Variants in DDX10 observed in about 807,000 individuals in gnomAD.
DDX10 encodes the protein probable ATP-dependent RNA helicase DDX10.
DDX10 carries 74 observed loss-of-function variants against 104.3 expected under a neutral mutation model. That is an observed-to-expected ratio of 0.71 (90% CI 0.59 to 0.86). DDX10 has a LOEUF of 0.86. Ranked by LOEUF, DDX10 falls within the 40% of genes least tolerant of loss-of-function variation. The probability of loss-of-function intolerance (pLI) is 0.00; values close to 1 mark genes in which losing one functional copy is unlikely to be tolerated. For synonymous variants in DDX10, 351 were observed against 353.4 expected, an observed-to-expected ratio of 0.99 and a Z score of 0.08; for missense variants, 952 against 1,040.0, an observed-to-expected ratio of 0.92 and a Z score of 1.16.
At chr11:108,836,885 T>G (rs559963752) in intron 13 of DDX10, among the ~76,000 whole-genome samples, 9 of 152,246 alleles carry the variant, frequency 5.9e-5, no homozygotes, top group Non-Finnish European at 1.3e-4. Context: ...TACCATAATG[T>G]AACAGTTGTG....
At chr11:108,785,336 C>T (rs1280540421) in intron 13 of DDX10, among the ~76,000 whole-genome samples, 3 of 151,988 alleles carry the variant, frequency 2.0e-5, no homozygotes, top group Non-Finnish European at 2.9e-5. Flanking sequence ...GCTGGTATTT[C>T]GTTGAGGATT....
rs1555021558 is a variant in DDX10 at position 108,750,964 on chromosome 11, T to TA, written c.1965+27503dup. On this transcript the variant is annotated intron_variant, in intron 13 of 17. Transcript: ENST00000322536. ...TTTTTTTTTTTTTTTTTTTTTTTTTTAGAGATGGGCTTTCACTATGTTGCC... is the reference window on the plus strand; with the variant it reads ...TTTTTTTTTTTTTTTTTTTTTTTTTTAAGAGATGGGCTTTCACTATGTTGCC... 3.2e-4 allele frequency among the ~76,000 whole-genome samples: 32 copies of TA among 100,988 alleles called. 2 individuals are homozygous for TA. Among genetic ancestry groups the TA allele is most frequent in the African/African-American group, 1.1e-3 (29 of 26,176 alleles). The allele number at this position is 100,988 out of a possible 152,430, so 66.3% of individuals were successfully genotyped here.
chr11:108,709,050 A>C (rs558832134), intron 10 of DDX10, among the ~76,000 whole-genome samples: 24 of 152,226 alleles, frequency 1.6e-4, no homozygotes, highest in Middle Eastern at 3.4e-3. Flanking sequence ...AGCCAGTTTT[A>C]TTTCTTTCCC....
intron 10 of DDX10, among the ~76,000 whole-genome samples, chr11:108,709,791 GTTC>G (rs1370588814): frequency 6.6e-6 from 1 of 151,280 alleles, no homozygotes; most frequent in African/African-American, 2.4e-5. Context: ...TTCTACTCTA[GTTC>G]TTATTTATTC....
intron 16 of DDX10, among the ~76,000 whole-genome samples, chr11:108,888,011 A>G (rs1243696093): frequency 6.6e-6 from 1 of 151,888 alleles, no homozygotes; most frequent in African/African-American, 2.4e-5. Context: ...AGTGTTTTCA[A>G]TCAGAGGAAA....
At chr11:108,869,205 T>G (rs531441820) in intron 16 of DDX10, among the ~76,000 whole-genome samples, 23 of 151,612 alleles carry the variant, frequency 1.5e-4, no homozygotes, top group African/African-American at 4.4e-4. Context: ...TTGTTTTTTT[T>G]TTTGTTTGTT....
chr11:108,746,755 T>G (rs1184699839), intron 13 of DDX10, among the ~76,000 whole-genome samples: 1 of 152,136 alleles, frequency 6.6e-6, no homozygotes. Flanking sequence ...TCTCACTAGA[T>G]AGGAAATAGT....
rs141819784 is a variant in DDX10, at chr11:108,891,065, C to T, written c.2305-26808C>T. ...GTTTTTAAATTTTGTCTCAAATCCA[C>T]GTCCTGCCTCTTATGAAGCCCTTGT... On this transcript the variant is annotated intron_variant, in intron 16 of 17. Transcript: ENST00000322536. Among the ~76,000 whole-genome samples, 205 of 152,254 alleles carry T rather than the reference C, an allele frequency of 1.3e-3. 1 individual carries two copies. Among genetic ancestry groups the T allele is most frequent in the Non-Finnish European group, 2.0e-3 (138 of 68,020 alleles).
intron 13 of DDX10, among the ~76,000 whole-genome samples, chr11:108,816,095 A>C (rs1031886064): frequency 2.0e-5 from 3 of 151,426 alleles, no homozygotes; most frequent in Admixed American, 6.6e-5. Context: ...TTGGCATGCC[A>C]TACTATTCCT....
intron 13 of DDX10, among the ~76,000 whole-genome samples, chr11:108,780,476 A>G (rs774969753): frequency 2.0e-5 from 3 of 152,116 alleles, no homozygotes; most frequent in Non-Finnish European, 4.4e-5. Context: ...TTTAGGCCAG[A>G]AAACATCTTT....
At chr11:108,729,391 T>C (rs1179453356) in intron 13 of DDX10, among the ~76,000 whole-genome samples, 1 of 151,990 alleles carries the variant, frequency 6.6e-6, no homozygotes, top group Non-Finnish European at 1.5e-5. Flanking sequence ...CCCTGAGGAG[T>C]GATTGAATAA....
At chr11:108,805,199 A>G (rs935368563) in intron 13 of DDX10, among the ~76,000 whole-genome samples, 1 of 152,248 alleles carries the variant, frequency 6.6e-6, no homozygotes, top group South Asian at 2.1e-4. Flanking sequence ...ATGTTGCAGC[A>G]TGACTGCTAT....
intron 16 of DDX10, among the ~76,000 whole-genome samples, chr11:108,910,699 C>T (rs1337217000): frequency 6.6e-6 from 1 of 150,876 alleles, no homozygotes; most frequent in African/African-American, 2.4e-5. Flanking sequence ...CCCCTTTCTG[C>T]CCAGGGCTTT....
chr11:108,926,357 C>G (rs1221606936), intron 17 of DDX10, among the ~76,000 whole-genome samples: 1 of 152,112 alleles, frequency 6.6e-6, no homozygotes, highest in African/African-American at 2.4e-5. Flanking sequence ...AACTTTTTGC[C>G]AGCCCCAAAT....
chr11:108,884,908 G>C (rs1441418684), intron 16 of DDX10, among the ~76,000 whole-genome samples: 1 of 152,054 alleles, frequency 6.6e-6, no homozygotes, highest in Non-Finnish European at 1.5e-5. Flanking sequence ...GTTTTGATAA[G>C]CTTCACACAT....
chr11:108,824,903 A>T (rs1281471598), intron 13 of DDX10, among the ~76,000 whole-genome samples: 1 of 152,212 alleles, frequency 6.6e-6, no homozygotes, highest in African/African-American at 2.4e-5. Flanking sequence ...TAAGGTAGTA[A>T]ATAGGGAATT....
chr11:108,830,282 T>A (rs1473643041), intron 13 of DDX10, among the ~76,000 whole-genome samples: 3 of 152,210 alleles, frequency 2.0e-5, no homozygotes, highest in Non-Finnish European at 4.4e-5. Flanking sequence ...CATCCTTGTT[T>A]AGGTATATTT....
At chr11:108,687,549 AT>A (rs925517738) in intron 6 of DDX10, among the ~76,000 whole-genome samples, 4 of 151,780 alleles carry the variant, frequency 2.6e-5, no homozygotes, top group South Asian at 2.1e-4. Flanking sequence ...TCATATGGTT[AT>A]TTTTTTTATC....
At chr11:108,697,330 G>T (rs146214686) in intron 9 of DDX10, among the ~76,000 whole-genome samples, 2 of 150,260 alleles carry the variant, frequency 1.3e-5, no homozygotes, top group African/African-American at 4.9e-5. Context: ...ATTGAATAAA[G>T]GCTAAATTAA....
Sources: gnomAD v4.1 joint callset for allele counts (sites outside exome capture counted in the v4.1 genomes callset) on GRCh38, gnomAD v4.1.1 for gene constraint, MANE v1.5 for transcripts, NCBI Gene and HGNC (gene_info 2026-07-23, HGNC 2026-07-21) for gene names.